The following EMSY variants were observed in gnomAD, a reference collection of about 807,000 sequenced individuals.
EMSY encodes the protein BRCA2-interacting transcriptional repressor EMSY.
EMSY carries 26 observed loss-of-function variants against 134.6 expected under a neutral mutation model. That is an observed-to-expected ratio of 0.19 (90% CI 0.14 to 0.27). The LOEUF (loss-of-function observed/expected upper bound fraction) is 0.27. Ranked by LOEUF, EMSY falls within the 10% of genes least tolerant of loss-of-function variation. The probability of loss-of-function intolerance (pLI) is 1.00; values close to 1 mark genes in which losing one functional copy is unlikely to be tolerated. For missense variants in EMSY, 1,305 were observed against 1,611.4 expected (o/e 0.81, Z 3.26); for synonymous variants, 579 against 577.8 (o/e 1.00, Z -0.03).
At chr11:76,474,115 C>CAA (rs11407539) in intron 8 of EMSY, among the ~76,000 whole-genome samples, 2,879 of 128,474 alleles carry the variant, frequency 0.022, 45 homozygotes, top group Admixed American at 0.037. Flanking sequence ...GACCCTGTCT[C>CAA]AAAAAAAAAA....
intron 6 of EMSY, chr11:76,460,379 G>GA: frequency 4.2e-6 from 1 of 235,800 alleles, no homozygotes; most frequent in Non-Finnish European, 8.2e-6. Flanking sequence ...GAAATATTGT[G>GA]AATAGAAACT....
intron 9 of EMSY, among the ~76,000 whole-genome samples, chr11:76,503,892 C>A (rs1949974298): frequency 6.6e-6 from 1 of 152,104 alleles, no homozygotes; most frequent in Non-Finnish European, 1.5e-5. Context: ...TCAAGCAATT[C>A]TCCTGCTTCA....
intron 2 of EMSY, among the ~76,000 whole-genome samples, chr11:76,448,610 G>A (rs968260624): frequency 2.6e-5 from 4 of 151,762 alleles, no homozygotes; most frequent in Admixed American, 2.6e-4. Context: ...TTGCTGCAGA[G>A]TGCTTCTATA....
intron 7 of EMSY, among the ~76,000 whole-genome samples, chr11:76,467,152 A>G (rs1276960854): frequency 6.6e-6 from 1 of 152,184 alleles, no homozygotes; most frequent in Non-Finnish European, 1.5e-5. Flanking sequence ...CTCCAAGATA[A>G]TCTTTCTGAA....
intron 7 of EMSY, among the ~76,000 whole-genome samples, chr11:76,470,542 A>C (rs985558051): frequency 6.6e-6 from 1 of 152,088 alleles, no homozygotes; most frequent in Non-Finnish European, 1.5e-5. Context: ...TTTTCAAAAT[A>C]ATCTGACTTT....
rs73495432 is a variant in EMSY at position 76,545,561 on chromosome 11, A to G, written c.3274-236A>G. On this transcript the variant is annotated intron_variant, in intron 19 of 20. Coordinates refer to ENST00000334736, the Ensembl canonical transcript of EMSY. ...GGCTGCTGAGACTACTTTTTTCTTT[A>G]TTGCTATAAACCTTGGCTGGCTGAA... Among the ~76,000 whole-genome samples the G allele has an allele frequency of 5.0e-3, 761 of 152,244 alleles. 4 individuals are homozygous for G. Among genetic ancestry groups the G allele is most frequent in the African/African-American group, 0.017 (723 of 41,568 alleles).
intron 1 of EMSY, among the ~76,000 whole-genome samples, 158 bp downstream of exon 1, chr11:76,445,286 G>T (rs1355901704): frequency 2.0e-5 from 3 of 152,182 alleles, no homozygotes; most frequent in Non-Finnish European, 4.4e-5. Context: ...GACTCAGGGG[G>T]ACTCTGGCTG....
intron 18 of EMSY, among the ~76,000 whole-genome samples, chr11:76,542,874 A>C (rs1951499888): frequency 6.6e-6 from 1 of 151,934 alleles, no homozygotes; most frequent in Non-Finnish European, 1.5e-5. Flanking sequence ...ATGCAACAGA[A>C]AGTTGAGAAT....
chr11:76,534,624 G>T lies in EMSY; in HGVS notation c.2195-1271G>T, dbSNP rs944320685. 2.6e-5 allele frequency among the ~76,000 whole-genome samples: 4 copies of T among 152,192 alleles called. No individual in the cohort carries two copies. In the South Asian group the frequency reaches 8.3e-4, roughly 32 times the overall value. ...GGCTTTAAAAAATATAAGGTTCATA[G>T]AGGGTTAAACGTTTATTATGTTTAT... On this transcript the variant is annotated intron_variant, in intron 14 of 20. Transcript: ENST00000334736.
exon 14 of EMSY, chr11:76,528,410 C>G: frequency 6.2e-7 from 1 of 1,611,972 alleles, no homozygotes; most frequent in Non-Finnish European, 8.5e-7. Flanking sequence ...AAAGAAGAAC[C>G]ACAGAATTAT....
At chr11:76,495,480 GA>G (rs1949617080) in intron 8 of EMSY, among the ~76,000 whole-genome samples, 1 of 152,142 alleles carries the variant, frequency 6.6e-6, no homozygotes, top group Admixed American at 6.5e-5. Context: ...CGAGAGGGAA[GA>G]ATATCTGAAA....
intron 10 of EMSY, among the ~76,000 whole-genome samples, chr11:76,515,352 G>C (rs921017322): frequency 6.6e-6 from 1 of 151,690 alleles, no homozygotes; most frequent in Admixed American, 6.6e-5. Context: ...CTTAATTTAG[G>C]AATAGCCTTT....
chr11:76,471,479 G>C (rs1355645972), intron 7 of EMSY, among the ~76,000 whole-genome samples: 1 of 152,022 alleles, frequency 6.6e-6, no homozygotes, highest in Non-Finnish European at 1.5e-5. Context: ...GTCTTTTTCT[G>C]TTCCAGGATA....
At chr11:76,490,996 CCTAACTT>C (rs1949397890) in intron 8 of EMSY, among the ~76,000 whole-genome samples, 1 of 151,980 alleles carries the variant, frequency 6.6e-6, no homozygotes, top group African/African-American at 2.4e-5. Flanking sequence ...TAGTGAAAAA[CCTAACTT>C]CTATTATCTC....
intron 9 of EMSY, chr11:76,496,722 T>C: frequency 2.0e-6 from 1 of 507,030 alleles, no homozygotes; most frequent in Non-Finnish European, 3.6e-6. Context: ...TTTGTTAGTA[T>C]ATAAAAATAG....
chr11:76,538,007 A>G (rs761861842), intron 16 of EMSY, 57 bp downstream of exon 17: 38 of 1,424,336 alleles, frequency 2.7e-5, no homozygotes, highest in East Asian at 1.7e-4. Context: ...CCTGGATTTC[A>G]TGGGATGATT....
intron 9 of EMSY, chr11:76,496,902 T>A (rs1326009006): frequency 2.0e-5 from 6 of 295,850 alleles, no homozygotes; most frequent in Non-Finnish European, 3.9e-5. Context: ...TTTATTTTAT[T>A]GTCTAGAACT....
chr11:76,473,663 A>G (rs546167377), intron 8 of EMSY, among the ~76,000 whole-genome samples: 1 of 152,138 alleles, frequency 6.6e-6, no homozygotes, highest in African/African-American at 2.4e-5. Flanking sequence ...CTGAAGAGCA[A>G]CTGAGACCTG....
At chr11:76,494,649 CCCTTCCTTCCTTCCTTCCTTCCTT>C (rs71036100) in intron 8 of EMSY, among the ~76,000 whole-genome samples, 9,942 of 68,974 alleles carry the variant, frequency 0.14, 1,121 homozygotes, top group African/African-American at 0.16. Context: ...CCTTTCCTTT[CCCTTCCTTCCTTCCTTCCTTCCTT>C]CCTTCCTTCC....
Sources: allele counts gnomAD v4.1 joint callset (sites outside exome capture counted in the v4.1 genomes callset), GRCh38; gene constraint gnomAD v4.1.1; transcripts MANE v1.5; gene names NCBI Gene and HGNC (gene_info 2026-07-23, HGNC 2026-07-21).